Variants in F2 observed in about 807,000 individuals in gnomAD.
F2 encodes prothrombin.
F2 carries 34 observed loss-of-function variants against 81.9 expected under a neutral mutation model. That is an observed-to-expected ratio of 0.42 (90% CI 0.32 to 0.55). The LOEUF (loss-of-function observed/expected upper bound fraction) is 0.55, where lower values mean the gene tolerates loss of function less well. Among genes scored for constraint, F2 ranks in the 20% least tolerant of loss-of-function variants. The probability of loss-of-function intolerance (pLI) is 0.18; values close to 1 mark genes in which losing one functional copy is unlikely to be tolerated. For missense variants in F2, 630 were observed against 833.4 expected, an observed-to-expected ratio of 0.76 and a Z score of 3.00; for synonymous variants, 296 against 326.4, an observed-to-expected ratio of 0.91 and a Z score of 1.01.
chr11:46,726,365 G>A lies in F2; in HGVS notation c.875-133G>A. On this transcript the variant is annotated intron_variant, in intron 7 of 13. Coordinates refer to ENST00000311907, the MANE Select transcript of F2 (RefSeq NM_000506.5). The surrounding 1 kb of genome is among the most constrained non-coding windows in gnomAD (Gnocchi z 5.9). ...TGAGGCCCCAGGAGGTTATTGCCTA[G>A]TAGCCCAACTGTGCATGCACGCTTA... 6.6e-7 allele frequency: 1 copy of A among 1,506,324 alleles called. No individual in the cohort carries two copies. Among genetic ancestry groups the A allele is most frequent in the Non-Finnish European group, 9.0e-7 (1 of 1,111,512 alleles). 93.3% of individuals were successfully genotyped at this position (1,506,324 alleles called of 1,614,324 possible).
chr11:46,722,790 C>A (rs910747545), intron 4 of F2, among the ~76,000 whole-genome samples: 1 of 152,120 alleles, frequency 6.6e-6, no homozygotes, highest in African/African-American at 2.4e-5. Flanking sequence ...AGAAACAATC[C>A]GTGGAAAGAC....
intron 12 of F2, among the ~76,000 whole-genome samples, chr11:46,732,316 G>A (rs927064292): frequency 6.6e-6 from 1 of 152,078 alleles, no homozygotes; most frequent in African/African-American, 2.4e-5. Flanking sequence ...ACATTTGTTA[G>A]TTACTTTATT....
chr11:46,726,761 G>A lies in F2; in HGVS notation c.1054G>A (p.Glu352Lys), dbSNP rs121918484. 9 of 1,614,092 alleles carry A rather than the reference G, an allele frequency of 5.6e-6. No homozygotes were observed. The highest frequency in any genetic ancestry group is 2.2e-5 in the East Asian group (1 of 44,888). ...FEKKSLEDKT[E>K]RELLESYIDG... ...GAAGAAGTCGCTGGAGGACAAAACCGAAAGAGAGCTCCTGGAATCCTACAT... is the reference window on the plus strand; with the variant it reads ...GAAGAAGTCGCTGGAGGACAAAACCAAAAGAGAGCTCCTGGAATCCTACAT... The change falls in exon 9 of 14, where the codon GAA (glutamate) becomes AAA (lysine). Residue 352 changes from glutamate to lysine, a missense_variant. Transcript: ENST00000311907. This position sits in a 1 kb window ranked among gnomAD's most constrained non-coding sequence, Gnocchi z 5.9.
Position 46,719,641 on chromosome 11 carries a change from G to A in F2, c.80-61G>A. 4 of 1,549,208 alleles carry A rather than the reference G, an allele frequency of 2.6e-6. No individual in the cohort carries two copies. The highest frequency in any genetic ancestry group is 3.5e-6 in the Non-Finnish European group (4 of 1,146,716). On this transcript the variant is annotated intron_variant, in intron 1 of 13. Transcript: ENST00000311907. This position sits in a 1 kb window ranked among gnomAD's most constrained non-coding sequence, Gnocchi z 4.7. ...AGGGTGGGCTTGCTTCATGCCCCCA[G>A]AATGGCCAAGACTGCCTGTTCCTGA...
At chr11:46,729,867 C>G (rs1212683848) in intron 12 of F2, among the ~76,000 whole-genome samples, 1 of 152,132 alleles carries the variant, frequency 6.6e-6, no homozygotes, top group Non-Finnish European at 1.5e-5. Context: ...GAGCGCCTAT[C>G]ACGTTCCAGG....
chr11:46,734,790 G>A (rs2064934483), intron 12 of F2, among the ~76,000 whole-genome samples: 1 of 152,138 alleles, frequency 6.6e-6, no homozygotes, highest in African/African-American at 2.4e-5. Context: ...CAGCCTGGGT[G>A]ACAGAGCAAG....
rs370547285 is a variant in F2 at position 46,720,557 on chromosome 11, G to A, written c.265+10G>A. The A allele has an allele frequency of 1.9e-5, 30 of 1,614,074 alleles. No individual in the cohort carries two copies. Among genetic ancestry groups the A allele is most frequent in the South Asian group, 3.3e-5 (3 of 91,076 alleles). On this transcript the variant is annotated intron_variant, in intron 3 of 13. Coordinates refer to ENST00000311907, the MANE Select transcript of F2 (RefSeq NM_000506.5). ...TGGGCCAAGTACACAGGTGAGCACC[G>A]GGAAGGATTTGCCCCAGGAAGGGAG... is the stretch of plus-strand genomic sequence containing the variant.
In F2 at chr11:46,723,436, C is replaced by A; in HGVS notation, c.477C>A (p.Asn159Lys). The A allele has an allele frequency of 6.2e-7, 1 of 1,614,136 alleles. No individual in the cohort carries two copies. Among genetic ancestry groups the A allele is most frequent in the Non-Finnish European group, 8.5e-7 (1 of 1,180,012 alleles). The change falls in exon 6 of 14, where the codon AAC (asparagine) becomes AAA (lysine). Residue 159 changes from asparagine to lysine, a missense_variant. Transcript: ENST00000311907. The surrounding 1 kb of genome is among the most constrained non-coding windows in gnomAD (Gnocchi z 5.6). The stretch of plus-strand genomic sequence containing the variant: ...ACCTACAGGAGAATTTCTGCCGCAA[C>A]CCCGACAGCAGCACCACGGGACCCT... ...GADLQENFCR[N>K]PDSSTTGPWC...
rs199772906 is a variant in F2, at chr11:46,729,449, C to T, written c.1542C>T (p.Asn514=). 8.7e-6 allele frequency: 14 copies of T among 1,614,018 alleles called. No individual in the cohort carries two copies. Among genetic ancestry groups the T allele is most frequent in the Admixed American group, 5.0e-5 (3 of 60,000 alleles). Residue 514 remains asparagine (N), a synonymous_variant, in exon 12 of 14, where the codon AAC becomes AAT. Coordinates refer to ENST00000311907, the MANE Select transcript of F2 (RefSeq NM_000506.5). ...WGNLKETWTA[N]VGKGQPSVLQ... is the part of the protein sequence containing the mutation. ...ACCTGAAGGAGACGTGGACAGCCAA[C>T]GTTGGTAAGGGGCAGCCCAGTGTCC... is the stretch of plus-strand genomic sequence containing the variant.
In F2 at chr11:46,728,916, G is replaced by T; in HGVS notation, c.1472+79G>T. 6.6e-7 allele frequency: 1 copy of T among 1,520,122 alleles called. No homozygotes were observed. 94.2% of individuals were successfully genotyped at this position (1,520,122 alleles called of 1,614,324 possible). ...GCTCTGATACCAAGTAGCCTTGCAA[G>T]AGCCCCTTTCCCTTTTCCAGGCCTC... On this transcript the variant is annotated intron_variant, in intron 11 of 13. Transcript: ENST00000311907. The surrounding 1 kb of genome is among the most constrained non-coding windows in gnomAD (Gnocchi z 5.1).
Position 46,728,937 on chromosome 11 carries a change from G to C in F2, c.1472+100G>C. ...GCAAGAGCCCCTTTCCCTTTTCCAG[G>C]CCTCGGTTTCTTGGAGTGAACCCAA... On this transcript the variant is annotated intron_variant, in intron 11 of 13. Transcript: ENST00000311907. The surrounding 1 kb of genome is among the most constrained non-coding windows in gnomAD (Gnocchi z 5.1). 7.4e-7 allele frequency: 1 copy of C among 1,347,344 alleles called. No homozygotes were observed. Among genetic ancestry groups the C allele is most frequent in the Non-Finnish European group, 1.0e-6 (1 of 958,744 alleles). 83.5% of individuals were successfully genotyped at this position (1,347,344 alleles called of 1,614,324 possible).
chr11:46,734,424 T>G (rs908168301), intron 12 of F2, among the ~76,000 whole-genome samples: 1 of 152,220 alleles, frequency 6.6e-6, no homozygotes, highest in African/African-American at 2.4e-5. Flanking sequence ...TTTAACCTCA[T>G]GTATAATTTT....
chr11:46,720,593 C>G, intron 3 of F2, 46 bp downstream of exon 3: 1 of 1,611,252 alleles, frequency 6.2e-7, no homozygotes, highest in Non-Finnish European at 8.5e-7. Flanking sequence ...GCCTGGGGAC[C>G]CCAGTGAGAG....
chr11:46,728,668 G>A lies in F2; in HGVS notation c.1303G>A (p.Glu435Lys). The A allele has an allele frequency of 2.5e-6, 4 of 1,614,136 alleles. No homozygotes were observed. Among genetic ancestry groups the A allele is most frequent in the Non-Finnish European group, 3.4e-6 (4 of 1,180,032 alleles). ...TCTTTCTTGGGGTCTCTGCAGGTAC[G>A]AGCGAAACATTGAAAAGATATCCAT... ...RIGKHSRTRY[E>K]RNIEKISMLE... Residue 435 changes from glutamate (E) to lysine (K), a missense_variant, in exon 11 of 14, where the codon GAG becomes AAG. Coordinates refer to ENST00000311907, the MANE Select transcript of F2 (RefSeq NM_000506.5). This position sits in a 1 kb window ranked among gnomAD's most constrained non-coding sequence, Gnocchi z 5.1.
chr11:46,730,897 T>C (rs1196825281), intron 12 of F2, among the ~76,000 whole-genome samples: 1 of 151,366 alleles, frequency 6.6e-6, no homozygotes, highest in East Asian at 1.9e-4. Context: ...TGTTCTCTTA[T>C]GCAACCACAA....
In F2 at chr11:46,726,354, G is replaced by A; in HGVS notation, c.875-144G>A. On this transcript the variant is annotated intron_variant, in intron 7 of 13. Coordinates refer to ENST00000311907, the MANE Select transcript of F2 (RefSeq NM_000506.5). This position sits in a 1 kb window ranked among gnomAD's most constrained non-coding sequence, Gnocchi z 5.9. Reference sequence around the variant, plus strand: ...GATAAGTACACTGAGGCCCCAGGAGGTTATTGCCTAGTAGCCCAACTGTGC... The same window carrying A: ...GATAAGTACACTGAGGCCCCAGGAGATTATTGCCTAGTAGCCCAACTGTGC... 6.8e-7 allele frequency: 1 copy of A among 1,479,010 alleles called. No individual in the cohort carries two copies. The highest frequency in any genetic ancestry group is 1.4e-5 in the African/African-American group (1 of 71,818). The allele number at this position is 1,479,010 out of a possible 1,614,324, so 91.6% of individuals were successfully genotyped here.
rs201541084 is a variant in F2, at chr11:46,729,508, C to T, written c.1601C>T (p.Pro534Leu). Reference protein sequence around the residue: ...QVVNLPIVERPVCKDSTRIRI... With the variant: ...QVVNLPIVERLVCKDSTRIRI... Reference sequence around the variant, plus strand: ...GTGAACCTGCCCATTGTGGAGCGGCCGGTCTGCAAGGACTCCACCCGGATC... The same window carrying T: ...GTGAACCTGCCCATTGTGGAGCGGCTGGTCTGCAAGGACTCCACCCGGATC... Residue 534 changes from proline to leucine, a missense_variant, in exon 12 of 14, where the codon CCG (proline) becomes CTG (leucine). Pro to Leu is a moderately conservative substitution (Grantham distance 98). Transcript: ENST00000311907. 1.2e-5 allele frequency: 20 copies of T among 1,614,026 alleles called. No individual in the cohort carries two copies. Among genetic ancestry groups the T allele is most frequent in the South Asian group, 8.8e-5 (8 of 91,082 alleles).
chr11:46,719,524 G>A lies in F2; in HGVS notation c.80-178G>A. 2 of 937,068 alleles carry A rather than the reference G, an allele frequency of 2.1e-6. No individual in the cohort carries two copies. The highest frequency in any genetic ancestry group is 3.3e-6 in the Non-Finnish European group (2 of 611,158). The allele number at this position is 937,068 out of a possible 1,614,324, so 58.0% of individuals were successfully genotyped here. On this transcript the variant is annotated intron_variant, in intron 1 of 13. Transcript: ENST00000311907. This position sits in a 1 kb window ranked among gnomAD's most constrained non-coding sequence, Gnocchi z 4.7. ...ATATAGGGAGCAGGCTGGGGGCAAG[G>A]GGCAGTGTAGGAGGGGCACAGGGGG...
Position 46,726,974 on chromosome 11 carries a change from ACAG to A in F2, c.1130+142_1130+144del. 7.7e-7 allele frequency: 1 copy of A among 1,306,216 alleles called. No homozygotes were observed. Among genetic ancestry groups the A allele is most frequent in the Non-Finnish European group, 1.1e-6 (1 of 933,726 alleles). The allele number at this position is 1,306,216 out of a possible 1,614,324, so 80.9% of individuals were successfully genotyped here. On this transcript the variant is annotated intron_variant, in intron 9 of 13. Transcript: ENST00000311907. The surrounding 1 kb of genome is among the most constrained non-coding windows in gnomAD (Gnocchi z 5.9). The stretch of plus-strand genomic sequence containing the variant: ...GCATCCAGGATCCCACCAACTCCAC[ACAG>A]CAGCCACATGAGATGGGTTGTTTAC...
Sources: gnomAD v4.1 joint callset for allele counts (sites outside exome capture counted in the v4.1 genomes callset) on GRCh38, gnomAD v4.1.1 for gene constraint, Gnocchi (gnomAD v3.1) non-coding constraint, MANE v1.5 for transcripts, NCBI Gene and HGNC (gene_info 2026-07-23, HGNC 2026-07-21) for gene names.